ACYP2: variants seen among roughly 807,000 people sequenced by gnomAD.
ACYP2 encodes acylphosphatase 2.
In ACYP2, 12 loss-of-function variants were observed where a neutral mutation model predicts 11.2. That is an observed-to-expected ratio of 1.08 (90% CI 0.69 to 1.74). The LOEUF (loss-of-function observed/expected upper bound fraction) is 1.74, where lower values mean the gene tolerates loss of function less well. ACYP2 is among the 40% of genes most tolerant of loss of function. The probability of loss-of-function intolerance (pLI) is 0.00; values close to 1 mark genes in which losing one functional copy is unlikely to be tolerated. For missense variants in ACYP2, 134 were observed against 101.9 expected (o/e 1.31, Z -1.35); for synonymous variants, 43 against 32.2 (o/e 1.33, Z -1.13).
At chr2:54,289,574 T>G (rs1428403976) in intron 6 of ACYP2, among the ~76,000 whole-genome samples, 2 of 151,660 alleles carry the variant, frequency 1.3e-5, no homozygotes, top group African/African-American at 4.9e-5. Flanking sequence ...AAGGAAAACG[T>G]TTTTTATGAT....
chr2:54,206,581 G>A (rs918414623), intron 6 of ACYP2, among the ~76,000 whole-genome samples: 1 of 152,148 alleles, frequency 6.6e-6, no homozygotes. Context: ...TAATGTCCTC[G>A]ATGATGATAT....
intron 4 of ACYP2, among the ~76,000 whole-genome samples, chr2:54,131,041 T>A (rs1266097115): frequency 6.6e-6 from 1 of 152,252 alleles, no homozygotes; most frequent in Non-Finnish European, 1.5e-5. Flanking sequence ...AGTTTACTTG[T>A]CCATCTTTCC....
At chr2:54,164,847 C>T (rs909044635) in intron 6 of ACYP2, among the ~76,000 whole-genome samples, 2 of 152,170 alleles carry the variant, frequency 1.3e-5, no homozygotes, top group Non-Finnish European at 2.9e-5. Flanking sequence ...TGTCCTAATG[C>T]TCTCCCTCCT....
At chr2:54,245,524 CGTT>C (rs972813990) in intron 6 of ACYP2, among the ~76,000 whole-genome samples, 2 of 151,894 alleles carry the variant, frequency 1.3e-5, no homozygotes, top group African/African-American at 4.8e-5. Context: ...TTCTCTGCAT[CGTT>C]GTTTTTTGTC....
At chr2:54,186,662 C>T (rs1013102550) in intron 6 of ACYP2, among the ~76,000 whole-genome samples, 2 of 151,736 alleles carry the variant, frequency 1.3e-5, no homozygotes, top group South Asian at 2.1e-4. Flanking sequence ...TACAGGTGCC[C>T]GTCACCATGC....
At chr2:54,117,836 C>G (rs993262308) in intron 4 of ACYP2, among the ~76,000 whole-genome samples, 11 of 152,140 alleles carry the variant, frequency 7.2e-5, no homozygotes, top group Non-Finnish European at 1.5e-4. Context: ...AAGTTCATTA[C>G]TGGTGATTTC....
chr2:53,991,979 T>C (rs183265075), intron 2 of ACYP2, among the ~76,000 whole-genome samples: 3 of 152,172 alleles, frequency 2.0e-5, no homozygotes, highest in Non-Finnish European at 4.4e-5. Context: ...TTCAATTTCT[T>C]GATCAAGCCA....
Position 54,096,510 on chromosome 2 carries a change from A to G in ACYP2, c.278-38943A>G, listed in dbSNP as rs368898687. ...TGGGAGGTGGAGGTTGTAGCGAGCC[A>G]AGATCACGCCACTGCACTCCAGCCT... On this transcript the variant is annotated intron_variant, in intron 4 of 6. Coordinates refer to ENST00000607452, the MANE Select transcript of ACYP2 (RefSeq NM_001320586.2). Among the ~76,000 whole-genome samples the G allele has an allele frequency of 3.3e-5, 5 of 152,188 alleles. No homozygotes were observed. In the East Asian group the frequency reaches 5.8e-4, roughly 18 times the overall value.
chr2:53,972,606 CAAA>C (rs543328607), intron 1 of ACYP2, among the ~76,000 whole-genome samples: 1 of 137,216 alleles, frequency 7.3e-6, no homozygotes, highest in Non-Finnish European at 1.6e-5. Flanking sequence ...GACTCCGTCT[CAAA>C]AAAAAAAAAG....
At chr2:54,090,823 T>C (rs1415425874) in intron 4 of ACYP2, among the ~76,000 whole-genome samples, 1 of 152,196 alleles carries the variant, frequency 6.6e-6, no homozygotes, top group Non-Finnish European at 1.5e-5. Flanking sequence ...GGCCACTCCA[T>C]GCACGGGACT....
At chr2:54,128,729 A>T (rs1286143461) in intron 4 of ACYP2, among the ~76,000 whole-genome samples, 1 of 151,598 alleles carries the variant, frequency 6.6e-6, no homozygotes, top group African/African-American at 2.4e-5. Context: ...CCCCTTTTTT[A>T]AAAAAAATTC....
At chr2:54,193,580 ATTTG>A (rs1197651777) in intron 6 of ACYP2, among the ~76,000 whole-genome samples, 1 of 152,112 alleles carries the variant, frequency 6.6e-6, no homozygotes, top group East Asian at 1.9e-4. Flanking sequence ...TTAGCTTTAT[ATTTG>A]TTTTTTTCTT....
At chr2:54,174,392 T>C (rs1358513473) in intron 6 of ACYP2, among the ~76,000 whole-genome samples, 2 of 152,210 alleles carry the variant, frequency 1.3e-5, no homozygotes, top group African/African-American at 4.8e-5. Context: ...GAGACTTTGC[T>C]GAAGTTGCTT....
chr2:54,099,333 T>C (rs1118618), intron 4 of ACYP2, among the ~76,000 whole-genome samples: 101,744 of 152,104 alleles, frequency 0.67, 35,717 homozygotes, highest in East Asian at 0.92. Context: ...GTATACAACA[T>C]GTTGTTATTA....
chr2:54,301,724 TAAATTTTGTG>T (rs1439125931), intron 6 of ACYP2, among the ~76,000 whole-genome samples: 2 of 152,186 alleles, frequency 1.3e-5, no homozygotes, highest in East Asian at 1.9e-4. Flanking sequence ...TCATTAGACA[TAAATTTTGTG>T]AAATTTTGTG....
intron 6 of ACYP2, among the ~76,000 whole-genome samples, chr2:54,144,822 G>C (rs1193411690): frequency 6.6e-6 from 1 of 151,936 alleles, no homozygotes; most frequent in African/African-American, 2.4e-5. Flanking sequence ...TTAAAAAACA[G>C]CTTTTAGATT....
intron 1 of ACYP2, among the ~76,000 whole-genome samples, chr2:53,972,532 G>C (rs533090236): frequency 6.6e-6 from 1 of 152,122 alleles, no homozygotes. Context: ...GCGTGAATCC[G>C]GGAGATGGAG....
chr2:54,132,232 C>T (rs1680945269), intron 4 of ACYP2, among the ~76,000 whole-genome samples: 1 of 152,126 alleles, frequency 6.6e-6, no homozygotes, highest in African/African-American at 2.4e-5. Context: ...TATCTCTCTC[C>T]TACCTGGTCT....
intron 6 of ACYP2, among the ~76,000 whole-genome samples, chr2:54,170,782 CTT>C (rs1488957226): frequency 6.6e-6 from 1 of 152,092 alleles, no homozygotes; most frequent in Non-Finnish European, 1.5e-5. Flanking sequence ...CTTTTGGTCT[CTT>C]GACCTTATCT....
Sources: gnomAD v4.1 joint callset for allele counts (sites outside exome capture counted in the v4.1 genomes callset) on GRCh38, gnomAD v4.1.1 for gene constraint, MANE v1.5 for transcripts, NCBI Gene and HGNC (gene_info 2026-07-23, HGNC 2026-07-21) for gene names.